Variants in ORC4 observed in about 807,000 individuals in gnomAD.
The protein encoded by ORC4 is origin recognition complex subunit 4.
A neutral mutation model predicts 63.9 loss-of-function variants in ORC4; 55 were observed. The observed-to-expected ratio is 0.86, with a 90% confidence interval of 0.69 to 1.08. ORC4 has a LOEUF of 1.08. Ranked by LOEUF, ORC4 falls within the 50% of genes least tolerant of loss-of-function variation. The probability of loss-of-function intolerance (pLI) is 0.00; values close to 1 mark genes in which losing one functional copy is unlikely to be tolerated. For synonymous variants in ORC4, 150 were observed against 168.5 expected (o/e 0.89, Z 0.85); for missense variants, 511 against 504.4 (o/e 1.01, Z -0.13).
intron 1 of ORC4, among the ~76,000 whole-genome samples, chr2:148,015,697 T>G (rs1573907436): frequency 6.6e-6 from 1 of 152,088 alleles, no homozygotes; most frequent in Admixed American, 6.5e-5. Flanking sequence ...GCTAATGACT[T>G]ATTACTTGCT....
chr2:147,957,176 T>C (rs1159718957), intron 6 of ORC4, among the ~76,000 whole-genome samples: 1 of 147,450 alleles, frequency 6.8e-6, no homozygotes, highest in Non-Finnish European at 1.5e-5. Context: ...TATAATCTAT[T>C]AGATAATTAT....
intron 1 of ORC4, among the ~76,000 whole-genome samples, chr2:147,983,536 G>A (rs1234219827): frequency 6.6e-6 from 1 of 152,098 alleles, no homozygotes; most frequent in Non-Finnish European, 1.5e-5. Context: ...TAGATCAGGG[G>A]GTCATAGGGA....
In ORC4 at chr2:147,971,272, AAT is replaced by A. The variant is rs531777465; in HGVS notation, c.225+1465_225+1466del. Among the ~76,000 whole-genome samples the A allele has an allele frequency of 2.4e-3, 367 of 152,028 alleles. 1 individual carries two copies. The highest frequency in any genetic ancestry group is 8.7e-3 in the African/African-American group (360 of 41,504). ...TGAAATCTTCTGCTCTGCCAAAGAC[AAT>A]GTTATTATTAATAGTATGAAAAGAA... On this transcript the variant is annotated intron_variant, in intron 4 of 13. Coordinates refer to ENST00000392857, the MANE Select transcript of ORC4 (RefSeq NM_181741.4).
intron 1 of ORC4, among the ~76,000 whole-genome samples, chr2:147,984,692 T>C (rs1323678424): frequency 6.6e-6 from 1 of 152,204 alleles, no homozygotes; most frequent in Non-Finnish European, 1.5e-5. Context: ...ATAGGAATTG[T>C]AAAAATGTGT....
At position 147,972,787 on chromosome 2, in the gene ORC4, C is replaced by G. The variant is rs1401279148; in HGVS notation, c.177G>C (p.Glu59Asp). The change falls in exon 4 of 14, where the codon GAG (glutamate) becomes GAC (aspartate). Residue 59 changes from glutamate to aspartate, a missense_variant. Physicochemically the swap from Glu to Asp is conservative, Grantham distance 45. Coordinates refer to ENST00000392857, the MANE Select transcript of ORC4 (RefSeq NM_181741.4). ...GTCCGATAATAAGGACAGAGTTACT[C>G]TCTCCATGGAGAGCAGTTCTTTTCA... The part of the protein sequence containing the change: ...ELLKRTALHG[E>D]SNSVLIIGPR... 2 of 1,612,396 alleles carry G rather than the reference C, an allele frequency of 1.2e-6. No homozygotes were observed. The highest frequency in any genetic ancestry group is 1.7e-6 in the Non-Finnish European group (2 of 1,178,874).
chr2:148,018,628 G>A (rs1210357177), intron 1 of ORC4, among the ~76,000 whole-genome samples: 2 of 152,108 alleles, frequency 1.3e-5, no homozygotes, highest in African/African-American at 4.8e-5. Context: ...AGAGCTAAAT[G>A]TACTAATAGA....
intron 1 of ORC4, among the ~76,000 whole-genome samples, chr2:148,014,571 T>C (rs1693151472): frequency 6.6e-6 from 1 of 152,178 alleles, no homozygotes; most frequent in East Asian, 1.9e-4. Context: ...TTAGAAAATT[T>C]AGAAACTGGA....
chr2:147,941,226 T>C (rs1214453782), intron 10 of ORC4, among the ~76,000 whole-genome samples: 2 of 152,136 alleles, frequency 1.3e-5, no homozygotes, highest in East Asian at 3.8e-4. Context: ...CGATTATTCA[T>C]TTCCTAATTT....
At chr2:148,021,542 A>G (rs1339877917), upstream of ORC4, 13 of 555,242 alleles carry the variant, frequency 2.3e-5, no homozygotes, top group Non-Finnish European at 3.8e-5. Context: ...GGCTGGAGAC[A>G]TCTCACTACA....
At chr2:148,002,261 A>G (rs1692362328) in intron 1 of ORC4, among the ~76,000 whole-genome samples, 1 of 152,180 alleles carries the variant, frequency 6.6e-6, no homozygotes, top group African/African-American at 2.4e-5. Flanking sequence ...GACCAAGTGG[A>G]CCTAATAGAC....
chr2:147,980,429 A>G (rs994340643), intron 1 of ORC4, among the ~76,000 whole-genome samples: 15 of 152,090 alleles, frequency 9.9e-5, no homozygotes, highest in African/African-American at 3.6e-4. Context: ...ATCTCAGGGG[A>G]GTCCTGGAAC....
At chr2:147,961,084 A>AG (rs1341679624) in intron 4 of ORC4, among the ~76,000 whole-genome samples, 2 of 152,124 alleles carry the variant, frequency 1.3e-5, no homozygotes, top group African/African-American at 4.8e-5. Flanking sequence ...GGTTAGGATT[A>AG]GGGGTTAAAA....
At chr2:148,003,584 T>A (rs1449468919) in intron 1 of ORC4, among the ~76,000 whole-genome samples, 1 of 152,092 alleles carries the variant, frequency 6.6e-6, no homozygotes, top group East Asian at 1.9e-4. Flanking sequence ...AAACTCTCAA[T>A]AAACTAAGAA....
intron 1 of ORC4, among the ~76,000 whole-genome samples, chr2:148,007,157 A>T (rs1376393955): frequency 1.3e-5 from 2 of 152,210 alleles, no homozygotes; most frequent in African/African-American, 4.8e-5. Flanking sequence ...CTGGAGAGTG[A>T]CAGGAATGAA....
At chr2:147,974,382 C>T (rs1171531336) in intron 2 of ORC4, among the ~76,000 whole-genome samples, 1 of 151,980 alleles carries the variant, frequency 6.6e-6, no homozygotes, top group African/African-American at 2.4e-5. Context: ...GTCTGTAATC[C>T]CAACACTTTG....
intron 1 of ORC4, among the ~76,000 whole-genome samples, chr2:147,999,481 T>C (rs1390929434): frequency 1.3e-5 from 2 of 152,172 alleles, no homozygotes; most frequent in African/African-American, 4.8e-5. Context: ...AGCTGTCCTA[T>C]GCACTGTAGG....
At chr2:148,016,723 C>T (rs966120458) in intron 1 of ORC4, among the ~76,000 whole-genome samples, 2 of 152,064 alleles carry the variant, frequency 1.3e-5, no homozygotes, top group African/African-American at 2.4e-5. Context: ...TATTTCTTGT[C>T]GGCAAAAATG....
intron 1 of ORC4, among the ~76,000 whole-genome samples, chr2:148,002,852 T>C (rs1692399922): frequency 2.0e-5 from 3 of 151,930 alleles, no homozygotes; most frequent in Admixed American, 1.3e-4. Flanking sequence ...TTTAACAAAA[T>C]AGGTAGACCG....
rs1482848081 is a variant in ORC4, at chr2:147,932,443, T to A, written c.*3067A>T. The A allele has an allele frequency of 6.6e-6, 1 of 152,060 alleles. No individual in the cohort carries two copies. Among genetic ancestry groups the A allele is most frequent in the Non-Finnish European group, 1.5e-5 (1 of 68,012 alleles). 9.4% of individuals were successfully genotyped at this position (152,060 alleles called of 1,614,324 possible). The stretch of plus-strand genomic sequence containing the variant: ...CTACCAATGACTTTCTTCACAGAAT[T>A]GGAAAAAACTACTTAAGTTCATATG... On this transcript the variant is annotated 3_prime_UTR_variant, in exon 14 of 14. Transcript: ENST00000392857.
Sources: gnomAD v4.1 joint callset for allele counts (sites outside exome capture counted in the v4.1 genomes callset) on GRCh38, gnomAD v4.1.1 for gene constraint, MANE v1.5 for transcripts, NCBI Gene and HGNC (gene_info 2026-07-23, HGNC 2026-07-21) for gene names.